SACS: variants seen among roughly 807,000 people sequenced by gnomAD.
SACS encodes the protein sacsin molecular chaperone.
A neutral mutation model predicts 348.0 loss-of-function variants in SACS; 197 were observed. The ratio of observed to expected loss-of-function variants is 0.57; its 90% CI spans 0.50 to 0.64. The LOEUF (loss-of-function observed/expected upper bound fraction) is 0.64. Ranked by LOEUF, SACS falls within the 30% of genes least tolerant of loss-of-function variation. The pLI is 0.00. For missense variants in SACS, 4,999 were observed against 5,360.8 expected (o/e 0.93, Z 2.11); for synonymous variants, 1,985 against 1,910.6 (o/e 1.04, Z -1.02).
In SACS at chr13:23,332,197, G is replaced by A. The variant is rs755241961; in HGVS notation, c.11679C>T (p.Val3893=). The change falls in exon 10 of 10, where the codon GTC becomes GTT. Residue 3893 remains valine, a synonymous_variant. Coordinates refer to ENST00000382292, the MANE Select transcript of SACS (RefSeq NM_014363.6). ...CATTCTCGAGATCACTCCTCACCTTGACTGAATCATTCTGTAGACTCCTGA... is the reference window on the plus strand; with the variant it reads ...CATTCTCGAGATCACTCCTCACCTTAACTGAATCATTCTGTAGACTCCTGA... ...GLFRSLQNDS[V]KVRSDLENVR... 1 of 1,613,956 alleles carries A rather than the reference G, an allele frequency of 6.2e-7. No homozygotes were observed. The highest frequency in any genetic ancestry group is 2.2e-5 in the East Asian group (1 of 44,884).
intron 2 of SACS, among the ~76,000 whole-genome samples, chr13:23,407,802 G>A (rs1873299226): frequency 6.6e-6 from 1 of 152,130 alleles, no homozygotes; most frequent in Non-Finnish European, 1.5e-5. Context: ...CATGCATCCC[G>A]CCAAGTCAGT....
At chr13:23,418,060 C>CAA (rs34026983) in intron 1 of SACS, among the ~76,000 whole-genome samples, 3,684 of 119,066 alleles carry the variant, frequency 0.031, 168 homozygotes, top group African/African-American at 0.11. Flanking sequence ...GATTCTGTCT[C>CAA]AAAAAAAAAA....
In SACS at chr13:23,338,336, C is replaced by G; in HGVS notation, c.5540G>C (p.Gly1847Ala). The G allele has an allele frequency of 6.2e-7, 1 of 1,614,112 alleles. No homozygotes were observed. The highest frequency in any genetic ancestry group is 8.5e-7 in the Non-Finnish European group (1 of 1,179,990). The change falls in exon 10 of 10, where the codon GGG (glycine) becomes GCG (alanine). Residue 1847 changes from glycine to alanine, a missense_variant. Coordinates refer to ENST00000382292, the MANE Select transcript of SACS (RefSeq NM_014363.6). The part of the protein sequence containing the change: ...SGRRLGLVPC[G>A]AVGVQLSEIQ... Reference sequence around the variant, plus strand: ...TTCTGACAGCTGAACTCCTACTGCCCCACATGGAACCAGTCCTAGTCTTCT... The same window carrying G: ...TTCTGACAGCTGAACTCCTACTGCCGCACATGGAACCAGTCCTAGTCTTCT...
At chr13:23,368,899 C>T (rs1267129445) in intron 4 of SACS, among the ~76,000 whole-genome samples, 5 of 152,058 alleles carry the variant, frequency 3.3e-5, no homozygotes, top group African/African-American at 1.2e-4. Flanking sequence ...TGGGGTTTCA[C>T]CATGTTAGCC....
At position 23,330,255 on chromosome 13, in the gene SACS, A is replaced by T. The variant is rs769260277; in HGVS notation, c.13621T>A (p.Leu4541Met). Reference protein sequence around the residue: ...VDSLKTRYPDLLPFPQIPNDR... With the variant: ...VDSLKTRYPDMLPFPQIPNDR... ...TTTGGGATCTGAGGAAAGGGAAGCA[A>T]ATCAGGGTATCTTGTTTTTAAACTG... Residue 4541 changes from leucine (L) to methionine (M), a missense_variant, in exon 10 of 10, where the codon TTG (leucine) becomes ATG (methionine). By Grantham distance (15) the Leu-to-Met change is conservative. Transcript: ENST00000382292. 1.6e-5 allele frequency: 26 copies of T among 1,614,074 alleles called. No individual in the cohort carries two copies. The South Asian group carries it at 2.3e-4, about 14-fold the overall frequency.
chr13:23,375,351 C>CCTCTCCCA, intron 2 of SACS, 82 bp from the exon 3 acceptor site: 3 of 1,305,310 alleles, frequency 2.3e-6, no homozygotes, highest in Non-Finnish European at 2.9e-6. Context: ...ACCCGCGTTA[C>CCTCTCCCA]CTCTCCCACA....
At chr13:23,375,553 G>A (rs927003954) in intron 2 of SACS, 2 of 1,050,066 alleles carry the variant, frequency 1.9e-6, no homozygotes, top group African/African-American at 3.4e-5. Context: ...GGCGGGGGCG[G>A]GGACTGCGCG....
intron 3 of SACS, among the ~76,000 whole-genome samples, chr13:23,371,876 G>T (rs1418063780): frequency 1.3e-5 from 2 of 152,188 alleles, no homozygotes; most frequent in Non-Finnish European, 2.9e-5. Flanking sequence ...ACAGAGGTAA[G>T]TACTAACACT....
In SACS at chr13:23,411,410, C is replaced by A; in HGVS notation, c.-171G>T. ...TCAGTGTCCATTCATCATCTGATGTCAGGAAACATTGTCGTGTGTTGCATT... is the reference window on the plus strand; with the variant it reads ...TCAGTGTCCATTCATCATCTGATGTAAGGAAACATTGTCGTGTGTTGCATT... On this transcript the variant is annotated 5_prime_UTR_variant, in exon 2 of 10. Coordinates refer to ENST00000382292, the MANE Select transcript of SACS (RefSeq NM_014363.6). The A allele has an allele frequency of 1.5e-6, 1 of 663,150 alleles. No individual in the cohort carries two copies. Among genetic ancestry groups the A allele is most frequent in the South Asian group, 1.8e-5 (1 of 57,124 alleles). 41.1% of individuals were successfully genotyped at this position (663,150 alleles called of 1,614,324 possible).
rs201262590 is a variant in SACS at position 23,340,667 on chromosome 13, C to G, written c.3209G>C (p.Gly1070Ala). 5 of 1,596,280 alleles carry G rather than the reference C, an allele frequency of 3.1e-6. No homozygotes were observed. The highest frequency in any genetic ancestry group is 2.7e-5 in the African/African-American group (2 of 73,818). The part of the protein sequence containing the change: ...VLKDLFCNEE[G>A]TYFPPSVFTS... ...AAAAACTGAGGGTGGGAAATAGGTTCCTTCTTCATTACAAAAGAGATCCTT... is the reference window on the plus strand; with the variant it reads ...AAAAACTGAGGGTGGGAAATAGGTTGCTTCTTCATTACAAAAGAGATCCTT... The change falls in exon 10 of 10, where the codon GGA becomes GCA. Residue 1070 changes from glycine (G) to alanine (A), a missense_variant. Gly to Ala is a moderately conservative substitution (Grantham distance 60). Coordinates refer to ENST00000382292, the MANE Select transcript of SACS (RefSeq NM_014363.6).
chr13:23,343,818 T>C (rs17078618), intron 9 of SACS, among the ~76,000 whole-genome samples: 4,051 of 152,314 alleles, frequency 0.027, 104 homozygotes, highest in East Asian at 0.12. Context: ...GGCCTACGTA[T>C]AAAAAAGATG....
In SACS at chr13:23,333,755, A is replaced by T; in HGVS notation, c.10121T>A (p.Phe3374Tyr). ...ATTTTCTACTAATTTTTCTGCTCTA[A>T]ATGTTGAAGTTTGGACCATATAATG... ...ALHYMVQTST[F>Y]RAEKLVENDF... The change falls in exon 10 of 10, where the codon TTT becomes TAT. Residue 3374 changes from phenylalanine (F) to tyrosine (Y), a missense_variant. By Grantham distance (22) the Phe-to-Tyr change is conservative. This residue lies in a region of SACS where 734 missense variants were observed against 694.0 expected (regional missense o/e 1.06). Transcript: ENST00000382292. The T allele has an allele frequency of 6.2e-7, 1 of 1,613,840 alleles. No homozygotes were observed. Among genetic ancestry groups the T allele is most frequent in the Non-Finnish European group, 8.5e-7 (1 of 1,179,794 alleles).
chr13:23,418,186 A>C (rs1350475520), intron 1 of SACS, among the ~76,000 whole-genome samples: 2 of 152,190 alleles, frequency 1.3e-5, no homozygotes, highest in Admixed American at 1.3e-4. Context: ...TTCAGAATAT[A>C]GAAAGAACTC....
Position 23,334,326 on chromosome 13 carries a change from G to A in SACS, c.9550C>T (p.Arg3184Cys), listed in dbSNP as rs143557803. The change falls in exon 10 of 10, where the codon CGC becomes TGC. Residue 3184 changes from arginine (R) to cysteine (C), a missense_variant. Coordinates refer to ENST00000382292, the MANE Select transcript of SACS (RefSeq NM_014363.6). ...LTTYHELIPS[R>C]KDLFMNTLYL... ...AATGTATTCATAAACAAGTCTTTGC[G>A]GGATGGAATCAATTCATGATATGTT... 74 of 1,610,392 alleles carry A rather than the reference G, an allele frequency of 4.6e-5. No individual in the cohort carries two copies. Among genetic ancestry groups the A allele is most frequent in the African/African-American group, 1.5e-4 (11 of 74,682 alleles).
chr13:23,387,904 T>C (rs917989431), intron 2 of SACS, among the ~76,000 whole-genome samples: 3 of 152,168 alleles, frequency 2.0e-5, no homozygotes, highest in Admixed American at 6.5e-5. Context: ...GAGACACCAC[T>C]GTACCCCAGC....
At position 23,332,094 on chromosome 13, in the gene SACS, G is replaced by A; in HGVS notation, c.11782C>T (p.Pro3928Ser). 1.9e-6 allele frequency: 3 copies of A among 1,613,954 alleles called. No homozygotes were observed. Among genetic ancestry groups the A allele is most frequent in the South Asian group, 1.1e-5 (1 of 91,070 alleles). ...KSSILVFDDA[P>S]HYKSRIQGNI... is the part of the protein sequence containing the mutation. ...CCCTGGATTCTACTTTTATAATGTG[G>A]CGCATCGTCAAACACTAAGATGCTT... Residue 3928 changes from proline (P) to serine (S), a missense_variant, in exon 10 of 10, where the codon CCA (proline) becomes TCA (serine). Transcript: ENST00000382292.
chr13:23,422,798 T>C (rs940650373), intron 1 of SACS, among the ~76,000 whole-genome samples: 3 of 152,124 alleles, frequency 2.0e-5, no homozygotes, highest in African/African-American at 7.2e-5. Flanking sequence ...TTCATATAAC[T>C]GAAAGAAACC....
At chr13:23,345,312 A>G (rs1869526549) in intron 9 of SACS, among the ~76,000 whole-genome samples, 1 of 152,136 alleles carries the variant, frequency 6.6e-6, no homozygotes, top group Non-Finnish European at 1.5e-5. Context: ...AAGAAATGAA[A>G]CAACCAAACT....
At chr13:23,354,434 G>A in intron 8 of SACS, 85 bp downstream of exon 8, 2 of 1,201,636 alleles carry the variant, frequency 1.7e-6, no homozygotes, top group East Asian at 2.4e-5. Flanking sequence ...GAAAACCATT[G>A]AATTTCACAA....
Sources: allele counts gnomAD v4.1 joint callset (sites outside exome capture counted in the v4.1 genomes callset), GRCh38; gene constraint gnomAD v4.1.1; regional missense constraint gnomAD v4.1.1; transcripts MANE v1.5; gene names NCBI Gene and HGNC (gene_info 2026-07-23, HGNC 2026-07-21).